Variants in CLHC1 observed in about 807,000 individuals in gnomAD.
CLHC1 encodes the protein clathrin heavy chain linker domain containing 1, also known as clathrin heavy chain linker domain-containing protein 1.
Under a neutral mutation model 69.5 loss-of-function variants are expected in CLHC1, and 72 were observed. The observed-to-expected ratio is 1.04, with a 90% confidence interval of 0.86 to 1.26. The LOEUF (loss-of-function observed/expected upper bound fraction) is 1.26, where lower values mean the gene tolerates loss of function less well. Ranked by LOEUF, CLHC1 falls within the 50% of genes most tolerant of loss-of-function variation. CLHC1 has a pLI of 0.00. For synonymous variants in CLHC1, 223 were observed against 224.3 expected (o/e 0.99, Z 0.05); for missense variants, 790 against 679.3 (o/e 1.16, Z -1.81).
intron 9 of CLHC1, among the ~76,000 whole-genome samples, chr2:55,190,336 C>A (rs1000954235): frequency 6.6e-6 from 1 of 152,112 alleles, no homozygotes; most frequent in Non-Finnish European, 1.5e-5. Context: ...CATGAGCCAC[C>A]ATGCCCAGCC....
In CLHC1 at chr2:55,175,993, G is replaced by A. The variant is rs777634699; in HGVS notation, c.1565-7C>T. 1.2e-6 allele frequency: 2 copies of A among 1,605,476 alleles called. No individual in the cohort carries two copies. The highest frequency in any genetic ancestry group is 1.7e-6 in the Non-Finnish European group (2 of 1,174,254). On this transcript the variant is annotated splice_polypyrimidine_tract_variant and splice_region_variant and intron_variant, in intron 12 of 12. Transcript: ENST00000401408. ...ATAAGACTTTCTACTGCATCTGTGG[G>A]GAAAAAATACAATATTATAGTATGG...
At position 55,174,629 on chromosome 2, in the gene CLHC1, A is replaced by G. The variant is rs1031722194; in HGVS notation, c.*1161T>C. On this transcript the variant is annotated 3_prime_UTR_variant, in exon 13 of 13. Transcript: ENST00000401408. ...TAAGTGAGTAAGAGGTAGGACCAGA[A>G]TTTTAATATGAAGCTGTCTGACTCC... Among the ~76,000 whole-genome samples, 5 of 152,204 alleles carry G rather than the reference A, an allele frequency of 3.3e-5. No individual in the cohort carries two copies. The highest frequency in any genetic ancestry group is 1.2e-4 in the African/African-American group (5 of 41,458).
intron 1 of CLHC1, among the ~76,000 whole-genome samples, chr2:55,229,860 C>T (rs941546901): frequency 2.6e-5 from 4 of 152,190 alleles, no homozygotes; most frequent in South Asian, 2.1e-4. Context: ...GATCACCTGA[C>T]GTCGGGAGTT....
At chr2:55,187,168 C>T (rs1670492774) in intron 9 of CLHC1, among the ~76,000 whole-genome samples, 2 of 151,768 alleles carry the variant, frequency 1.3e-5, no homozygotes, top group Admixed American at 1.3e-4. Context: ...ACCTGTACTC[C>T]CAGCTACTCC....
chr2:55,183,649 T>A (rs1390257843), intron 9 of CLHC1, among the ~76,000 whole-genome samples: 1 of 152,234 alleles, frequency 6.6e-6, no homozygotes, highest in Non-Finnish European at 1.5e-5. Flanking sequence ...TACTGTATTG[T>A]AAAGAAAATT....
At chr2:55,224,815 C>A in intron 2 of CLHC1, 2 of 302,236 alleles carry the variant, frequency 6.6e-6, no homozygotes, top group Non-Finnish European at 1.4e-5. Context: ...GTCAAAGAGG[C>A]CCCCCAGCCA....
intron 9 of CLHC1, among the ~76,000 whole-genome samples, chr2:55,188,558 A>C (rs770516854): frequency 3.3e-5 from 5 of 152,188 alleles, no homozygotes; most frequent in Non-Finnish European, 5.9e-5. Context: ...TCAAAAGCTG[A>C]AGATATGCAT....
At position 55,174,196 on chromosome 2, in the gene CLHC1, G is replaced by A. The variant is rs541600095; in HGVS notation, c.*1594C>T. On this transcript the variant is annotated 3_prime_UTR_variant, in exon 13 of 13. Coordinates refer to ENST00000401408, the MANE Select transcript of CLHC1 (RefSeq NM_152385.4). ...AGTAATAAATTGCTTTTTAAACTATGCACATGTATTACTTTAAAAATGCTA... is the reference window on the plus strand; with the variant it reads ...AGTAATAAATTGCTTTTTAAACTATACACATGTATTACTTTAAAAATGCTA... Among the ~76,000 whole-genome samples the A allele has an allele frequency of 1.6e-4, 25 of 152,072 alleles. No homozygotes were observed. Among genetic ancestry groups the A allele is most frequent in the African/African-American group, 6.0e-4 (25 of 41,488 alleles).
intron 9 of CLHC1, among the ~76,000 whole-genome samples, chr2:55,196,565 GACA>G (rs1032477428): frequency 6.6e-6 from 1 of 152,154 alleles, no homozygotes; most frequent in African/African-American, 2.4e-5. Context: ...CAAACTCCGG[GACA>G]ACATTTCTAG....
intron 1 of CLHC1, among the ~76,000 whole-genome samples, chr2:55,229,966 G>T (rs1320013496): frequency 6.6e-6 from 1 of 152,216 alleles, no homozygotes; most frequent in Non-Finnish European, 1.5e-5. Flanking sequence ...CCAGCTACTG[G>T]AGAGGCTGAG....
chr2:55,181,367 G>A (rs940578774), intron 10 of CLHC1, among the ~76,000 whole-genome samples: 14 of 152,036 alleles, frequency 9.2e-5, no homozygotes, highest in Non-Finnish European at 1.5e-4. Flanking sequence ...GACCTCAAGC[G>A]ATCCTCCCAC....
At chr2:55,229,974 G>A (rs1380979001) in intron 1 of CLHC1, among the ~76,000 whole-genome samples, 1 of 152,216 alleles carries the variant, frequency 6.6e-6, no homozygotes, top group East Asian at 1.9e-4. Context: ...TGGAGAGGCT[G>A]AGGCAGGAGA....
intron 7 of CLHC1, among the ~76,000 whole-genome samples, chr2:55,208,958 C>A (rs967049614): frequency 1.8e-4 from 27 of 150,128 alleles, no homozygotes; most frequent in Non-Finnish European, 5.9e-5. Context: ...GCAAGCTCCG[C>A]CTCCCGGGTT....
intron 11 of CLHC1, among the ~76,000 whole-genome samples, chr2:55,178,367 A>C (rs771759961): frequency 2.6e-5 from 4 of 152,264 alleles, no homozygotes; most frequent in Non-Finnish European, 4.4e-5. Flanking sequence ...AGGTGGAACC[A>C]TATGAAGTTT....
intron 9 of CLHC1, among the ~76,000 whole-genome samples, chr2:55,193,998 G>A (rs1185374793): frequency 6.6e-6 from 1 of 152,118 alleles, no homozygotes; most frequent in Non-Finnish European, 1.5e-5. Context: ...TATGCTAAGT[G>A]AAAGAAACCT....
intron 5 of CLHC1, 37 bp from the exon 6 acceptor site, chr2:55,209,868 A>G (rs770979202): frequency 6.6e-6 from 9 of 1,371,578 alleles, no homozygotes; most frequent in Non-Finnish European, 9.3e-6. Flanking sequence ...ACGACAAGCC[A>G]TGTGTGGGAC....
intron 9 of CLHC1, among the ~76,000 whole-genome samples, chr2:55,184,368 G>A (rs1158820075): frequency 1.3e-5 from 2 of 152,020 alleles, no homozygotes; most frequent in African/African-American, 2.4e-5. Flanking sequence ...GCCTCCCAAA[G>A]TGTTGCTATT....
At chr2:55,223,014 C>T (rs1480247606) in intron 2 of CLHC1, among the ~76,000 whole-genome samples, 1 of 151,218 alleles carries the variant, frequency 6.6e-6, no homozygotes. Flanking sequence ...ATGAAGAGCT[C>T]TTCTCTTGCT....
At chr2:55,231,182 G>A (rs1011192004) in intron 1 of CLHC1, among the ~76,000 whole-genome samples, 5 of 151,670 alleles carry the variant, frequency 3.3e-5, no homozygotes, top group African/African-American at 4.9e-5. Flanking sequence ...CCTGGGAGGC[G>A]GAGTTTACAG....
Sources: allele counts gnomAD v4.1 joint callset (sites outside exome capture counted in the v4.1 genomes callset), GRCh38; gene constraint gnomAD v4.1.1; transcripts MANE v1.5; gene names NCBI Gene and HGNC (gene_info 2026-07-23, HGNC 2026-07-21).